SLX4IP: variants seen among roughly 807,000 people sequenced by gnomAD.
SLX4IP encodes the protein SLX4 interacting protein, also known as protein SLX4IP.
In SLX4IP, 34 loss-of-function variants were observed where a neutral mutation model predicts 32.9. That is an observed-to-expected ratio of 1.03 (90% CI 0.79 to 1.38). The LOEUF (loss-of-function observed/expected upper bound fraction) is 1.38. SLX4IP is among the 40% of genes most tolerant of loss of function. SLX4IP has a pLI of 0.00. For synonymous variants in SLX4IP, 172 were observed against 171.7 expected, an observed-to-expected ratio of 1.00 and a Z score of -0.01; for missense variants, 444 against 479.0, an observed-to-expected ratio of 0.93 and a Z score of 0.68.
intron 2 of SLX4IP, among the ~76,000 whole-genome samples, chr20:10,472,355 C>T (rs143346125): frequency 0.019 from 2,818 of 151,956 alleles, 71 homozygotes; most frequent in African/African-American, 0.064. Flanking sequence ...CTTAGCCTCC[C>T]GAGTAGCTGG....
At chr20:10,565,600 G>A (rs958193564) in intron 4 of SLX4IP, among the ~76,000 whole-genome samples, 2 of 152,198 alleles carry the variant, frequency 1.3e-5, no homozygotes, top group Non-Finnish European at 2.9e-5. Context: ...GAGGCAAAAT[G>A]TTTGGCTTTT....
At chr20:10,512,087 C>G (rs777372876) in intron 2 of SLX4IP, among the ~76,000 whole-genome samples, 10 of 152,166 alleles carry the variant, frequency 6.6e-5, no homozygotes, top group Non-Finnish European at 1.2e-4. Flanking sequence ...ATCCTTTAGA[C>G]TTTGTGAGTG....
intron 2 of SLX4IP, among the ~76,000 whole-genome samples, chr20:10,503,677 C>T (rs2065737177): frequency 6.6e-6 from 1 of 152,148 alleles, no homozygotes; most frequent in Non-Finnish European, 1.5e-5. Context: ...TATTTATTGT[C>T]TCATGGGTCT....
chr20:10,590,879 A>G (rs1453280376), intron 4 of SLX4IP, among the ~76,000 whole-genome samples: 1 of 152,224 alleles, frequency 6.6e-6, no homozygotes, highest in East Asian at 1.9e-4. Context: ...TGAAGAATTT[A>G]AGTTAGAGAT....
At chr20:10,558,989 G>A (rs2066300851) in intron 3 of SLX4IP, among the ~76,000 whole-genome samples, 1 of 152,148 alleles carries the variant, frequency 6.6e-6, no homozygotes, top group Admixed American at 6.5e-5. Flanking sequence ...TTTTTGTCAT[G>A]CTATTTTTAG....
intron 1 of SLX4IP, among the ~76,000 whole-genome samples, chr20:10,444,793 G>A: frequency 6.6e-6 from 1 of 152,124 alleles, no homozygotes; most frequent in East Asian, 1.9e-4. Context: ...CCATTCATGA[G>A]GATGGAGCCC....
intron 2 of SLX4IP, among the ~76,000 whole-genome samples, chr20:10,459,443 C>A (rs1473493800): frequency 6.6e-6 from 1 of 152,122 alleles, no homozygotes; most frequent in East Asian, 1.9e-4. Context: ...TTTAAGTAGG[C>A]ATATGGAAAA....
intron 1 of SLX4IP, among the ~76,000 whole-genome samples, chr20:10,457,361 A>G (rs1390476026): frequency 6.6e-6 from 1 of 151,350 alleles, no homozygotes; most frequent in Non-Finnish European, 1.5e-5. Context: ...TTTTTCCTAA[A>G]TGTCTTTTAT....
chr20:10,439,955 C>T (rs2065147069), intron 1 of SLX4IP, among the ~76,000 whole-genome samples: 2 of 152,020 alleles, frequency 1.3e-5, no homozygotes, highest in African/African-American at 2.4e-5. Flanking sequence ...TATGTAAAAG[C>T]GGTTACTTGT....
At chr20:10,544,038 C>G (rs1212800592) in intron 2 of SLX4IP, among the ~76,000 whole-genome samples, 2 of 152,150 alleles carry the variant, frequency 1.3e-5, no homozygotes, top group Non-Finnish European at 2.9e-5. Context: ...CTCTCTAGGT[C>G]CTCCAGGTAA....
intron 2 of SLX4IP, among the ~76,000 whole-genome samples, chr20:10,515,682 A>G (rs903804914): frequency 6.6e-6 from 1 of 152,244 alleles, no homozygotes; most frequent in Non-Finnish European, 1.5e-5. Context: ...TGGCATAAGC[A>G]TAGCTCATTT....
At chr20:10,521,711 A>C (rs13043987) in intron 2 of SLX4IP, among the ~76,000 whole-genome samples, 31,265 of 152,082 alleles carry the variant, frequency 0.21, 3,299 homozygotes, top group South Asian at 0.38. Context: ...TACATCCCCA[A>C]ATATGCCCAT....
intron 4 of SLX4IP, among the ~76,000 whole-genome samples, chr20:10,583,591 A>G (rs191611975): frequency 6.6e-6 from 1 of 152,098 alleles, no homozygotes; most frequent in Admixed American, 6.5e-5. Context: ...TTTTCTGTGG[A>G]TTGGTGGTTT....
chr20:10,552,511 G>A (rs1439052781), intron 2 of SLX4IP, among the ~76,000 whole-genome samples: 3 of 152,026 alleles, frequency 2.0e-5, no homozygotes, highest in African/African-American at 7.2e-5. Context: ...GTGGGAGGGA[G>A]TTGAGAGAGC....
intron 2 of SLX4IP, among the ~76,000 whole-genome samples, chr20:10,533,920 A>G (rs676650): frequency 0.59 from 89,844 of 151,922 alleles, 26,958 homozygotes; most frequent in South Asian, 0.75. Flanking sequence ...GCACCTAGCC[A>G]TCTCTTATTT....
rs113421313 is a variant in SLX4IP, at chr20:10,572,270, G to A, written c.238+11450G>A. 6.0e-3 allele frequency among the ~76,000 whole-genome samples: 910 copies of A among 152,274 alleles called. 10 individuals carry two copies. The highest frequency in any genetic ancestry group is 0.02 in the African/African-American group (826 of 41,544). ...CATGAAAACTCCACTGTCTGACACC[G>A]GGTTTGTCCTCATTGCTTTGGTATC... On this transcript the variant is annotated intron_variant, in intron 4 of 7. Transcript: ENST00000334534.
chr20:10,511,094 A>C (rs967665391), intron 2 of SLX4IP, among the ~76,000 whole-genome samples: 1 of 152,194 alleles, frequency 6.6e-6, no homozygotes, highest in Non-Finnish European at 1.5e-5. Flanking sequence ...CCTTTTTGGC[A>C]AAATGGAACC....
chr20:10,485,948 G>A (rs2065569137), intron 2 of SLX4IP, among the ~76,000 whole-genome samples: 1 of 152,054 alleles, frequency 6.6e-6, no homozygotes, highest in Non-Finnish European at 1.5e-5. Flanking sequence ...GGAGGGGTTG[G>A]TCTTGCTGTC....
intron 1 of SLX4IP, among the ~76,000 whole-genome samples, chr20:10,444,992 T>A (rs2065189856): frequency 6.6e-6 from 1 of 152,174 alleles, no homozygotes; most frequent in South Asian, 2.1e-4. Flanking sequence ...ACAGGCTGTG[T>A]GCATGTAGTA....
Sources: allele counts gnomAD v4.1 joint callset (sites outside exome capture counted in the v4.1 genomes callset), GRCh38; gene constraint gnomAD v4.1.1; transcripts MANE v1.5; gene names NCBI Gene and HGNC (gene_info 2026-07-23, HGNC 2026-07-21).